SGCZ: variants seen among roughly 807,000 people sequenced by gnomAD.
SGCZ encodes the protein zeta-sarcoglycan.
In SGCZ, 40 loss-of-function variants were observed where a neutral mutation model predicts 41.3. That is an observed-to-expected ratio of 0.97 (90% confidence interval 0.75 to 1.26). The LOEUF (loss-of-function observed/expected upper bound fraction) is 1.26. SGCZ is among the 50% of genes most tolerant of loss of function. The probability of loss-of-function intolerance (pLI) is 0.00; values close to 1 mark genes in which losing one functional copy is unlikely to be tolerated. For synonymous variants in SGCZ, 206 were observed against 137.5 expected, an observed-to-expected ratio of 1.50 and a Z score of -3.49; for missense variants, 552 against 369.8, an observed-to-expected ratio of 1.49 and a Z score of -4.04.
chr8:14,700,812 C>G (rs895687818), intron 1 of SGCZ, among the ~76,000 whole-genome samples: 4 of 151,696 alleles, frequency 2.6e-5, no homozygotes, highest in Admixed American at 6.6e-5. Context: ...TAATCAAAGG[C>G]CAACTGCCAC....
chr8:15,124,054 A>G (rs1167958209), intron 1 of SGCZ, among the ~76,000 whole-genome samples: 1 of 152,212 alleles, frequency 6.6e-6, no homozygotes, highest in African/African-American at 2.4e-5. Context: ...GTAATCCATT[A>G]TCAGATTTAA....
At chr8:14,529,781 T>C (rs1052152263) in intron 2 of SGCZ, among the ~76,000 whole-genome samples, 6 of 152,104 alleles carry the variant, frequency 3.9e-5, no homozygotes. Context: ...GAGTCCTTGA[T>C]AAACTCTTTT....
At chr8:14,698,026 C>G (rs1484665927) in intron 1 of SGCZ, among the ~76,000 whole-genome samples, 1 of 151,994 alleles carries the variant, frequency 6.6e-6, no homozygotes, top group Admixed American at 6.6e-5. Flanking sequence ...AAAAGGCCAA[C>G]ATTTCACATT....
At chr8:14,647,320 T>A (rs1585151954) in intron 1 of SGCZ, among the ~76,000 whole-genome samples, 1 of 151,948 alleles carries the variant, frequency 6.6e-6, no homozygotes, top group Non-Finnish European at 1.5e-5. Context: ...TACTGATATA[T>A]CAAAATATTG....
intron 1 of SGCZ, among the ~76,000 whole-genome samples, chr8:14,732,151 T>C (rs1798878237): frequency 6.6e-6 from 1 of 152,196 alleles, no homozygotes; most frequent in African/African-American, 2.4e-5. Flanking sequence ...ATCTAGGTCC[T>C]TTTTTATTGC....
intron 5 of SGCZ, among the ~76,000 whole-genome samples, chr8:14,144,304 C>G (rs1803457992): frequency 6.6e-6 from 1 of 152,158 alleles, no homozygotes; most frequent in South Asian, 2.1e-4. Flanking sequence ...CAAGATAAGT[C>G]ATAGTCAGAG....
chr8:14,738,277 C>A (rs575300388), intron 1 of SGCZ, among the ~76,000 whole-genome samples: 2 of 152,080 alleles, frequency 1.3e-5, no homozygotes, highest in African/African-American at 2.4e-5. Context: ...CTAGAATTCT[C>A]CCCTCTTGTA....
intron 2 of SGCZ, among the ~76,000 whole-genome samples, chr8:14,400,096 G>A (rs569918243): frequency 8.6e-5 from 13 of 151,898 alleles, no homozygotes; most frequent in African/African-American, 3.1e-4. Context: ...TGAACATTTT[G>A]CATAAATAGT....
rs186123223 is a variant in SGCZ, at chr8:14,478,144, C to G, written c.234+76588G>C. On this transcript the variant is annotated intron_variant, in intron 2 of 7. Coordinates refer to ENST00000382080, the MANE Select transcript of SGCZ (RefSeq NM_139167.4). The stretch of plus-strand genomic sequence containing the variant: ...GGAAGACAGTTTGGCAGCATTTTTA[C>G]AAAACTAAGCATAATCTTATCATAT... Among the ~76,000 whole-genome samples, 1,309 of 152,276 alleles carry G rather than the reference C, an allele frequency of 8.6e-3. 9 individuals are homozygous for G. Among genetic ancestry groups the G allele is most frequent in the Non-Finnish European group, 0.013 (908 of 67,998 alleles).
intron 1 of SGCZ, among the ~76,000 whole-genome samples, chr8:15,074,676 C>T (rs911861684): frequency 3.9e-5 from 6 of 152,148 alleles, no homozygotes; most frequent in Non-Finnish European, 8.8e-5. Context: ...GAGAAATGCT[C>T]ACGTTTCCTC....
At chr8:15,012,474 T>A (rs1014461149) in intron 1 of SGCZ, among the ~76,000 whole-genome samples, 2 of 138,256 alleles carry the variant, frequency 1.4e-5, no homozygotes, top group Non-Finnish European at 3.1e-5. Flanking sequence ...AAAATAAATA[T>A]AAATATATAT....
At chr8:14,384,486 T>C (rs964247747) in intron 2 of SGCZ, among the ~76,000 whole-genome samples, 6 of 152,164 alleles carry the variant, frequency 3.9e-5, no homozygotes, top group Admixed American at 1.3e-4. Flanking sequence ...AGATAATTGG[T>C]TGTTATAGGG....
chr8:14,968,077 T>C (rs113616487), intron 1 of SGCZ, among the ~76,000 whole-genome samples: 6 of 152,174 alleles, frequency 3.9e-5, no homozygotes, highest in African/African-American at 1.4e-4. Context: ...ATAATAAGCA[T>C]AAGAATAAAA....
At chr8:14,778,449 T>C (rs377546912) in intron 1 of SGCZ, among the ~76,000 whole-genome samples, 17 of 152,150 alleles carry the variant, frequency 1.1e-4, no homozygotes, top group African/African-American at 3.9e-4. Context: ...ATAGTTTTCA[T>C]CAGATGCTCA....
At chr8:14,628,287 T>C (rs1806529936) in intron 1 of SGCZ, among the ~76,000 whole-genome samples, 1 of 152,020 alleles carries the variant, frequency 6.6e-6, no homozygotes, top group South Asian at 2.1e-4. Context: ...TCTCTTAAAA[T>C]TTGTCTTGAG....
At chr8:14,826,351 G>C (rs1398374401) in intron 1 of SGCZ, among the ~76,000 whole-genome samples, 1 of 152,066 alleles carries the variant, frequency 6.6e-6, no homozygotes, top group Non-Finnish European at 1.5e-5. Flanking sequence ...CATTTGGCTT[G>C]GTTCCAAGTC....
rs575576554 is a variant in SGCZ at position 14,514,595 on chromosome 8, T to A, written c.234+40137A>T. On this transcript the variant is annotated intron_variant, in intron 2 of 7. Transcript: ENST00000382080. Reference sequence around the variant, plus strand: ...CTCATACATATATATTACATTTATATAAATATATATCTCTCACATATATTT... The same window carrying A: ...CTCATACATATATATTACATTTATAAAAATATATATCTCTCACATATATTT... Among the ~76,000 whole-genome samples the A allele has an allele frequency of 3.9e-3, 582 of 150,650 alleles. 7 individuals are homozygous for A. The highest frequency in any genetic ancestry group is 0.013 in the African/African-American group (549 of 41,210).
chr8:14,405,973 T>C (rs1178881924), intron 2 of SGCZ, among the ~76,000 whole-genome samples: 1 of 152,178 alleles, frequency 6.6e-6, no homozygotes, highest in African/African-American at 2.4e-5. Context: ...GTCATATTTA[T>C]TTACATTCAT....
intron 4 of SGCZ, among the ~76,000 whole-genome samples, chr8:14,234,377 G>A (rs1017738603): frequency 5.9e-5 from 9 of 151,992 alleles, no homozygotes; most frequent in African/African-American, 2.2e-4. Flanking sequence ...TGGGGTACAA[G>A]AGGAATGGAT....
Sources: allele counts gnomAD v4.1 joint callset (sites outside exome capture counted in the v4.1 genomes callset), GRCh38; gene constraint gnomAD v4.1.1; transcripts MANE v1.5; gene names NCBI Gene and HGNC (gene_info 2026-07-23, HGNC 2026-07-21).